Variants in LAMA2 observed in about 807,000 individuals in gnomAD.
LAMA2 encodes laminin subunit alpha-2.
Under a neutral mutation model 364.8 loss-of-function variants are expected in LAMA2, and 269 were observed. The observed-to-expected ratio is 0.74, with a 90% confidence interval of 0.67 to 0.82. LAMA2 has a LOEUF of 0.82. Ranked by LOEUF, LAMA2 falls within the 40% of genes least tolerant of loss-of-function variation. The pLI, the probability that LAMA2 is intolerant of heterozygous loss-of-function variation, is 0.00. For missense variants in LAMA2, 3,807 were observed against 3,873.2 expected (o/e 0.98, Z 0.45); for synonymous variants, 1,379 against 1,370.6 (o/e 1.01, Z -0.14).
intron 12 of LAMA2, among the ~76,000 whole-genome samples, chr6:129,212,077 G>T (rs867996298): frequency 1.3e-5 from 2 of 152,146 alleles, no homozygotes; most frequent in Admixed American, 6.5e-5. Context: ...TCCTTTGTCT[G>T]TCTGGATTTC....
intron 55 of LAMA2, among the ~76,000 whole-genome samples, chr6:129,483,655 G>A (rs1784461079): frequency 6.6e-6 from 1 of 152,018 alleles, no homozygotes; most frequent in South Asian, 2.1e-4. Context: ...TTATATCAAA[G>A]ATGAAATTCC....
Position 129,391,595 on chromosome 6 carries a change from A to G in LAMA2, c.5176A>G (p.Lys1726Glu), listed in dbSNP as rs1779325428. ...GLQKEIDQMI[K>E]ELRRKNLETQ... ...TCAGAAAGAGATTGACCAGATGATT[A>G]AAGAACTGAGGAGGAAAAATCTAGA... The change falls in exon 36 of 65, where the codon AAA becomes GAA. Residue 1726 changes from lysine (K) to glutamate (E), a missense_variant. Transcript: ENST00000421865. The G allele has an allele frequency of 1.1e-5, 17 of 1,613,946 alleles. No individual in the cohort carries two copies. The highest frequency in any genetic ancestry group is 1.4e-5 in the Non-Finnish European group (17 of 1,179,820).
At chr6:129,205,493 T>TATATATATACAC (rs1343472728) in intron 12 of LAMA2, among the ~76,000 whole-genome samples, 7 of 104,274 alleles carry the variant, frequency 6.7e-5, no homozygotes, top group African/African-American at 3.8e-4. Context: ...TATATATATA[T>TATATATATACAC]ACACACACAC....
At chr6:129,422,915 A>C (rs144493923) in intron 40 of LAMA2, among the ~76,000 whole-genome samples, 1 of 152,134 alleles carries the variant, frequency 6.6e-6, no homozygotes, top group African/African-American at 2.4e-5. Flanking sequence ...ATATCCCTCC[A>C]TGAACATAGA....
chr6:129,492,130 A>G lies in LAMA2; in HGVS notation c.8075+53A>G, dbSNP rs570865668. ...TAATTTTTTATTTTTATTTCTTGCT[A>G]TTAGGGGTCCCAATGCATCTACATT... On this transcript the variant is annotated intron_variant, in intron 57 of 64. Transcript: ENST00000421865. The G allele has an allele frequency of 2.3e-5, 36 of 1,534,430 alleles. 1 individual carries two copies. The African/African-American group carries it at 3.7e-4, about 16-fold the overall frequency.
At chr6:129,081,046 T>C (rs1419863775) in intron 3 of LAMA2, among the ~76,000 whole-genome samples, 1 of 152,212 alleles carries the variant, frequency 6.6e-6, no homozygotes, top group African/African-American at 2.4e-5. Flanking sequence ...ATATATACCA[T>C]GGAATACTAT....
At chr6:128,979,034 A>G (rs1782699964) in intron 1 of LAMA2, among the ~76,000 whole-genome samples, 1 of 152,182 alleles carries the variant, frequency 6.6e-6, no homozygotes, top group Non-Finnish European at 1.5e-5. Flanking sequence ...TTACTTTAAG[A>G]ATTTGGTGCA....
intron 1 of LAMA2, among the ~76,000 whole-genome samples, chr6:128,955,198 G>A (rs1400836835): frequency 6.6e-6 from 1 of 151,902 alleles, no homozygotes; most frequent in Non-Finnish European, 1.5e-5. Flanking sequence ...GATAATCAAA[G>A]CAAAGGCTTA....
At chr6:129,178,674 A>G (rs565869763) in intron 10 of LAMA2, among the ~76,000 whole-genome samples, 2 of 152,150 alleles carry the variant, frequency 1.3e-5, no homozygotes, top group African/African-American at 4.8e-5. Context: ...TTTATTTTCA[A>G]TTAAAGAGGG....
intron 45 of LAMA2, among the ~76,000 whole-genome samples, chr6:129,452,471 T>C (rs552128520): frequency 6.6e-6 from 1 of 152,296 alleles, no homozygotes; most frequent in Non-Finnish European, 1.5e-5. Context: ...ATTCTTCTTA[T>C]TGTTAGAACA....
intron 15 of LAMA2, among the ~76,000 whole-genome samples, chr6:129,266,327 G>A (rs1470681880): frequency 6.6e-6 from 1 of 152,054 alleles, no homozygotes; most frequent in African/African-American, 2.4e-5. Context: ...CACTGACACA[G>A]GGAATCTAAG....
chr6:129,189,156 A>G (rs1306029994), intron 10 of LAMA2, among the ~76,000 whole-genome samples: 1 of 152,042 alleles, frequency 6.6e-6, no homozygotes, highest in African/African-American at 2.4e-5. Context: ...TCTTTGAGCA[A>G]TACTTTTTTG....
chr6:128,945,608 T>A (rs1468315034), intron 1 of LAMA2, among the ~76,000 whole-genome samples: 1 of 152,222 alleles, frequency 6.6e-6, no homozygotes, highest in Non-Finnish European at 1.5e-5. Flanking sequence ...GGCATGTAGA[T>A]GAAATATTTG....
intron 14 of LAMA2, among the ~76,000 whole-genome samples, chr6:129,255,484 C>A (rs540748646): frequency 6.7e-6 from 1 of 149,284 alleles, no homozygotes; most frequent in East Asian, 2.0e-4. Context: ...CTAACAGTCA[C>A]CCAGGCCTGT....
At chr6:129,160,495 T>A (rs1037865933) in intron 8 of LAMA2, among the ~76,000 whole-genome samples, 1 of 152,058 alleles carries the variant, frequency 6.6e-6, no homozygotes, top group East Asian at 1.9e-4. Flanking sequence ...TGATCACTTA[T>A]GTTAGGGGTT....
chr6:129,220,570 A>G (rs1021693925), intron 12 of LAMA2, among the ~76,000 whole-genome samples: 1 of 152,266 alleles, frequency 6.6e-6, no homozygotes, highest in Admixed American at 6.5e-5. Context: ...GCTAGAAAAT[A>G]TAATTATCTA....
chr6:129,175,176 G>T (rs1360856880), intron 9 of LAMA2, among the ~76,000 whole-genome samples: 8 of 152,118 alleles, frequency 5.3e-5, no homozygotes, highest in Admixed American at 5.2e-4. Context: ...GGACATCATA[G>T]AGGATCCTTT....
chr6:129,184,120 G>A (rs779858238), intron 10 of LAMA2, among the ~76,000 whole-genome samples: 27 of 151,880 alleles, frequency 1.8e-4, no homozygotes, highest in Non-Finnish European at 3.2e-4. Context: ...CCCAAGTAGA[G>A]ATAAGTTTCT....
chr6:129,271,521 G>C (rs964217838), intron 17 of LAMA2, among the ~76,000 whole-genome samples: 2 of 139,678 alleles, frequency 1.4e-5, no homozygotes, highest in African/African-American at 5.3e-5. Flanking sequence ...CCAGGCTAGA[G>C]TGCAGTGGTG....
Sources: allele counts gnomAD v4.1 joint callset (sites outside exome capture counted in the v4.1 genomes callset), GRCh38; gene constraint gnomAD v4.1.1; transcripts MANE v1.5; gene names NCBI Gene and HGNC (gene_info 2026-07-23, HGNC 2026-07-21).